CWC27: variants seen among roughly 807,000 people sequenced by gnomAD.
CWC27 encodes the protein spliceosome-associated protein CWC27 homolog.
In CWC27, 47 loss-of-function variants were observed where a neutral mutation model predicts 63.6. That is an observed-to-expected ratio of 0.74 (90% CI 0.58 to 0.94). CWC27 has a LOEUF of 0.94. CWC27 is among the 40% of genes least tolerant of loss of function. CWC27 has a pLI of 0.00. For synonymous variants in CWC27, 175 were observed against 179.8 expected, an observed-to-expected ratio of 0.97 and a Z score of 0.22; for missense variants, 495 against 554.3, an observed-to-expected ratio of 0.89 and a Z score of 1.07.
At chr5:64,795,297 T>C (rs1488811724) in intron 7 of CWC27, among the ~76,000 whole-genome samples, 1 of 152,226 alleles carries the variant, frequency 6.6e-6, no homozygotes, top group Non-Finnish European at 1.5e-5. Context: ...CTTATCTTTC[T>C]AGTTGTTTAG....
At chr5:64,864,856 T>C (rs190738724) in intron 10 of CWC27, among the ~76,000 whole-genome samples, 94 of 152,234 alleles carry the variant, frequency 6.2e-4, no homozygotes, top group African/African-American at 1.9e-3. Flanking sequence ...TCAAGCTAAT[T>C]AACATATCCA....
At chr5:64,783,713 C>A in intron 3 of CWC27, 123 bp from the exon 4 acceptor site, 1 of 802,566 alleles carries the variant, frequency 1.2e-6, no homozygotes, top group Non-Finnish European at 1.9e-6. Flanking sequence ...ACTTGAAAAT[C>A]AATTAAGTAA....
intron 10 of CWC27, among the ~76,000 whole-genome samples, chr5:64,873,935 C>A (rs545293883): frequency 1.1e-3 from 168 of 152,024 alleles, no homozygotes; most frequent in Middle Eastern, 0.01. Flanking sequence ...GTATTCTTGT[C>A]CCAGTGTATG....
At chr5:64,917,249 C>T (rs1270149049) in intron 11 of CWC27, among the ~76,000 whole-genome samples, 2 of 152,132 alleles carry the variant, frequency 1.3e-5, no homozygotes, top group African/African-American at 4.8e-5. Flanking sequence ...CATCCATCTT[C>T]GGTAGGCCTC....
At chr5:64,950,897 G>A (rs761318118) in intron 11 of CWC27, among the ~76,000 whole-genome samples, 5 of 151,826 alleles carry the variant, frequency 3.3e-5, no homozygotes, top group Non-Finnish European at 7.4e-5. Flanking sequence ...TGTGTGTCTG[G>A]CTTCTTTTAC....
intron 11 of CWC27, among the ~76,000 whole-genome samples, chr5:64,955,057 A>G (rs1206089481): frequency 6.6e-6 from 1 of 152,126 alleles, no homozygotes; most frequent in Non-Finnish European, 1.5e-5. Context: ...TTTCTTATTC[A>G]AACAATCTAT....
At chr5:64,901,593 G>T (rs1482752388) in intron 11 of CWC27, among the ~76,000 whole-genome samples, 1 of 152,132 alleles carries the variant, frequency 6.6e-6, no homozygotes, top group Non-Finnish European at 1.5e-5. Flanking sequence ...GAAGGCCTAG[G>T]ACATTACACT....
At chr5:64,831,882 T>A (rs1460982484) in intron 10 of CWC27, among the ~76,000 whole-genome samples, 1 of 151,982 alleles carries the variant, frequency 6.6e-6, no homozygotes, top group Non-Finnish European at 1.5e-5. Flanking sequence ...TTCCTATATC[T>A]GCCTCTTTAT....
intron 11 of CWC27, among the ~76,000 whole-genome samples, chr5:64,932,067 T>C (rs1190172460): frequency 6.6e-6 from 1 of 152,188 alleles, no homozygotes; most frequent in Non-Finnish European, 1.5e-5. Flanking sequence ...TGATACATAA[T>C]GTTTACTAAC....
chr5:64,773,693 GT>G (rs1490414107), intron 1 of CWC27, among the ~76,000 whole-genome samples: 1 of 152,186 alleles, frequency 6.6e-6, no homozygotes, highest in East Asian at 1.9e-4. Flanking sequence ...GGAGAAATTG[GT>G]TTCCAGCTAT....
At chr5:64,862,738 C>T (rs1237798901) in intron 10 of CWC27, among the ~76,000 whole-genome samples, 2 of 152,132 alleles carry the variant, frequency 1.3e-5, no homozygotes, top group African/African-American at 4.8e-5. Flanking sequence ...ATTCAAGCTA[C>T]TTTAACAAAA....
At chr5:64,807,674 TTA>T in intron 10 of CWC27, 1 of 1,535,970 alleles carries the variant, frequency 6.5e-7, no homozygotes, top group South Asian at 1.2e-5. Context: ...CAAGCTGGTA[TTA>T]TTATGGATTT....
intron 11 of CWC27, among the ~76,000 whole-genome samples, chr5:64,928,068 T>C (rs2112398551): frequency 6.6e-6 from 1 of 151,844 alleles, no homozygotes; most frequent in Admixed American, 6.6e-5. Context: ...AGCAGGATAA[T>C]CAGTTGAACA....
chr5:64,779,574 C>A (rs965486187), intron 2 of CWC27, among the ~76,000 whole-genome samples: 1 of 152,174 alleles, frequency 6.6e-6, no homozygotes, highest in Admixed American at 6.5e-5. Context: ...TACAGTTCAA[C>A]ATCATTTAGT....
chr5:64,777,920 T>C (rs573653512), intron 2 of CWC27, among the ~76,000 whole-genome samples: 5 of 152,236 alleles, frequency 3.3e-5, no homozygotes, highest in South Asian at 4.1e-4. Flanking sequence ...TACAAAGTTA[T>C]AGTGTAGAGA....
chr5:64,962,262 A>T (rs562162449), intron 11 of CWC27, among the ~76,000 whole-genome samples: 4 of 152,304 alleles, frequency 2.6e-5, no homozygotes, highest in African/African-American at 4.8e-5. Flanking sequence ...ATAAAATATG[A>T]TCCAGCCCAA....
intron 2 of CWC27, among the ~76,000 whole-genome samples, chr5:64,777,261 A>G (rs1743489886): frequency 6.6e-6 from 1 of 152,066 alleles, no homozygotes; most frequent in African/African-American, 2.4e-5. Context: ...TTATTCTTTA[A>G]TAATAGTTTA....
chr5:64,780,584 CTA>C (rs1460631142), intron 2 of CWC27, among the ~76,000 whole-genome samples: 30 of 147,772 alleles, frequency 2.0e-4, no homozygotes, highest in African/African-American at 7.1e-4. Flanking sequence ...TTACTTATAA[CTA>C]TAATTACTTA....
intron 13 of CWC27, among the ~76,000 whole-genome samples, chr5:64,992,613 G>A (rs1021924651): frequency 6.6e-6 from 1 of 151,286 alleles, no homozygotes; most frequent in African/African-American, 2.4e-5. Flanking sequence ...TTCACTGCAA[G>A]CTCCGCCTCC....
Sources: gnomAD v4.1 joint callset for allele counts (sites outside exome capture counted in the v4.1 genomes callset) on GRCh38, gnomAD v4.1.1 for gene constraint, MANE v1.5 for transcripts, NCBI Gene and HGNC (gene_info 2026-07-23, HGNC 2026-07-21) for gene names.